Variants in YAF2 observed in about 807,000 individuals in gnomAD.
YAF2 encodes YY1 associated factor 2, also known as YY1-associated factor 2.
YAF2 carries 7 observed loss-of-function variants against 20.1 expected under a neutral mutation model. The ratio of observed to expected loss-of-function variants is 0.35; its 90% CI spans 0.20 to 0.65. The LOEUF is 0.65. Among genes scored for constraint, YAF2 ranks in the 30% least tolerant of loss-of-function variants. The pLI is 0.69. For missense variants in YAF2, 151 were observed against 219.2 expected (o/e 0.69, Z 1.96); for synonymous variants, 74 against 76.0 (o/e 0.97, Z 0.14).
At chr12:42,218,139 G>A (rs895716366) in intron 2 of YAF2, among the ~76,000 whole-genome samples, 1 of 149,780 alleles carries the variant, frequency 6.7e-6, no homozygotes, top group African/African-American at 2.4e-5. Flanking sequence ...GAACTTGCTG[G>A]TAAGGTCCAA....
chr12:42,166,993 T>G (rs2065931124), intron 2 of YAF2, among the ~76,000 whole-genome samples: 1 of 152,222 alleles, frequency 6.6e-6, no homozygotes, highest in South Asian at 2.1e-4. Context: ...CTCTTTTTAA[T>G]ACAGTTGGAA....
At chr12:42,222,734 C>T (rs990517715) in intron 2 of YAF2, among the ~76,000 whole-genome samples, 2 of 151,978 alleles carry the variant, frequency 1.3e-5, no homozygotes, top group African/African-American at 4.8e-5. Context: ...TGGCAATGAT[C>T]GCCAGCATGA....
At chr12:42,187,560 G>A (rs1373670881) in intron 2 of YAF2, among the ~76,000 whole-genome samples, 4 of 151,938 alleles carry the variant, frequency 2.6e-5, no homozygotes, top group East Asian at 3.9e-4. Flanking sequence ...ATGGCATAAC[G>A]TTTAAGAGCT....
chr12:42,188,374 T>C (rs1210136956), intron 2 of YAF2, among the ~76,000 whole-genome samples: 1 of 151,064 alleles, frequency 6.6e-6, no homozygotes, highest in Non-Finnish European at 1.5e-5. Flanking sequence ...TTGAAATATA[T>C]ATATTTTGCT....
At chr12:42,169,527 T>G (rs712114) in intron 2 of YAF2, among the ~76,000 whole-genome samples, 11 of 151,756 alleles carry the variant, frequency 7.2e-5, no homozygotes, top group South Asian at 4.2e-4. Flanking sequence ...AATCCTCCCC[T>G]CTCAGCCTCC....
intron 2 of YAF2, among the ~76,000 whole-genome samples, chr12:42,212,090 A>G (rs1284676037): frequency 2.6e-5 from 4 of 152,154 alleles, no homozygotes; most frequent in Non-Finnish European, 4.4e-5. Context: ...AACACAAACA[A>G]AAGTATGCCA....
At chr12:42,187,562 T>A (rs887220583) in intron 2 of YAF2, among the ~76,000 whole-genome samples, 2 of 152,182 alleles carry the variant, frequency 1.3e-5, no homozygotes, top group African/African-American at 2.4e-5. Context: ...GGCATAACGT[T>A]TAAGAGCTTG....
intron 2 of YAF2, among the ~76,000 whole-genome samples, chr12:42,212,094 T>C (rs1320812186): frequency 6.6e-6 from 1 of 151,846 alleles, no homozygotes; most frequent in East Asian, 1.9e-4. Flanking sequence ...CAAACAAAAG[T>C]ATGCCAGTCA....
intron 2 of YAF2, among the ~76,000 whole-genome samples, chr12:42,194,318 G>C (rs1048608419): frequency 3.3e-5 from 5 of 152,108 alleles, no homozygotes; most frequent in African/African-American, 1.2e-4. Flanking sequence ...CTCCAGCCTT[G>C]CAAGCTCTAT....
At chr12:42,207,316 T>C (rs1030666160) in intron 2 of YAF2, among the ~76,000 whole-genome samples, 9 of 152,206 alleles carry the variant, frequency 5.9e-5, no homozygotes, top group Non-Finnish European at 1.2e-4. Flanking sequence ...TTCCTTCATT[T>C]CTGAAAAGAA....
chr12:42,218,641 G>C (rs1252177881), intron 2 of YAF2, among the ~76,000 whole-genome samples: 1 of 152,128 alleles, frequency 6.6e-6, no homozygotes, highest in Non-Finnish European at 1.5e-5. Flanking sequence ...TTCAACATTT[G>C]AGATTATGGC....
At chr12:42,174,100 G>GAA (rs200411659) in intron 2 of YAF2, among the ~76,000 whole-genome samples, 7 of 119,194 alleles carry the variant, frequency 5.9e-5, no homozygotes, top group Non-Finnish European at 7.4e-5. Context: ...ACCTCAAAAA[G>GAA]AAAAAAAAAA....
At position 42,210,560 on chromosome 12, in the gene YAF2, G is replaced by C. The variant is rs1271580014; in HGVS notation, c.152+27039C>G. On this transcript the variant is annotated intron_variant, in intron 2 of 3. Coordinates refer to ENST00000534854, the MANE Select transcript of YAF2 (RefSeq NM_005748.6). ...TGCACTTGCTTACCTTCCTGAAATT[G>C]GAAATTTCAACGGTTCCTTGGTCCT... 2.6e-6 allele frequency: 4 copies of C among 1,535,996 alleles called. No homozygotes were observed. The Admixed American group carries it at 7.8e-5, about 30-fold the overall frequency.
intron 2 of YAF2, among the ~76,000 whole-genome samples, chr12:42,191,518 T>C (rs1252534966): frequency 2.0e-5 from 3 of 152,196 alleles, no homozygotes; most frequent in African/African-American, 7.2e-5. Flanking sequence ...TCTTGCTTAA[T>C]AGCTAAGCTA....
chr12:42,203,574 G>A (rs547239322), intron 2 of YAF2, among the ~76,000 whole-genome samples: 34 of 152,198 alleles, frequency 2.2e-4, no homozygotes, highest in Middle Eastern at 3.4e-3. Context: ...TGTTCATAGT[G>A]TAAGAGTGGT....
intron 2 of YAF2, among the ~76,000 whole-genome samples, chr12:42,186,816 C>G (rs966455786): frequency 6.6e-6 from 1 of 152,218 alleles, no homozygotes; most frequent in Admixed American, 6.5e-5. Flanking sequence ...GGACAAAGCT[C>G]ATCAAGGGTC....
At chr12:42,197,208 TAGC>T (rs2066776190) in intron 2 of YAF2, among the ~76,000 whole-genome samples, 1 of 152,250 alleles carries the variant, frequency 6.6e-6, no homozygotes, top group South Asian at 2.1e-4. Context: ...GTTAGCTTGT[TAGC>T]AGTCACTGCT....
chr12:42,216,767 C>A (rs769361170), intron 2 of YAF2, among the ~76,000 whole-genome samples: 3 of 152,150 alleles, frequency 2.0e-5, no homozygotes, highest in Non-Finnish European at 4.4e-5. Context: ...TTTCCCCAGG[C>A]ACCCCAAATT....
intron 2 of YAF2, among the ~76,000 whole-genome samples, chr12:42,226,516 T>C (rs1207224184): frequency 6.6e-6 from 1 of 151,996 alleles, no homozygotes; most frequent in Non-Finnish European, 1.5e-5. Context: ...ATTTAAAAAT[T>C]AGCCAGACAT....
Sources: gnomAD v4.1 joint callset for allele counts (sites outside exome capture counted in the v4.1 genomes callset) on GRCh38, gnomAD v4.1.1 for gene constraint, MANE v1.5 for transcripts, NCBI Gene and HGNC (gene_info 2026-07-23, HGNC 2026-07-21) for gene names.